CCNYL1: variants seen among roughly 807,000 people sequenced by gnomAD.
CCNYL1 encodes cyclin Y like 1, also known as cyclin-Y-like protein 1.
In CCNYL1, 16 loss-of-function variants were observed where a neutral mutation model predicts 44.2. That is an observed-to-expected ratio of 0.36 (90% CI 0.25 to 0.55). CCNYL1 has a LOEUF of 0.55. Ranked by LOEUF, CCNYL1 falls within the 20% of genes least tolerant of loss-of-function variation. CCNYL1 has a pLI of 0.85. For synonymous variants in CCNYL1, 159 were observed against 163.2 expected, an observed-to-expected ratio of 0.97 and a Z score of 0.20; for missense variants, 348 against 451.8, an observed-to-expected ratio of 0.77 and a Z score of 2.08.
intron 1 of CCNYL1, among the ~76,000 whole-genome samples, chr2:207,717,906 CTTTT>C (rs5838085): frequency 7.2e-6 from 1 of 138,932 alleles, no homozygotes. Context: ...ATTTTTAATT[CTTTT>C]TTTTTTTTTT....
intron 5 of CCNYL1, among the ~76,000 whole-genome samples, chr2:207,738,331 C>T (rs1392821501): frequency 6.6e-6 from 1 of 152,162 alleles, no homozygotes; most frequent in Non-Finnish European, 1.5e-5. Context: ...AGCGATTCTC[C>T]TGCCTCGGGC....
chr2:207,752,322 A>G (rs957498282), intron 9 of CCNYL1, among the ~76,000 whole-genome samples: 7 of 152,020 alleles, frequency 4.6e-5, no homozygotes, highest in Middle Eastern at 3.4e-3. Context: ...CAGGTGGATC[A>G]CTTGAGATCA....
intron 4 of CCNYL1, among the ~76,000 whole-genome samples, chr2:207,735,575 C>G (rs1337821781): frequency 6.6e-6 from 1 of 152,114 alleles, no homozygotes; most frequent in Non-Finnish European, 1.5e-5. Flanking sequence ...ACTTTAAAAA[C>G]AACCCTCAGG....
At chr2:207,734,192 A>G (rs1216607689) in intron 4 of CCNYL1, 145 bp downstream of exon 4, 6 of 539,550 alleles carry the variant, frequency 1.1e-5, no homozygotes, top group Non-Finnish European at 2.0e-5. Flanking sequence ...ATTGATTTCA[A>G]GGATCTAAAT....
intron 4 of CCNYL1, among the ~76,000 whole-genome samples, chr2:207,734,541 G>A (rs1183593998): frequency 6.6e-6 from 1 of 152,102 alleles, no homozygotes; most frequent in East Asian, 1.9e-4. Context: ...TGCACTTTCA[G>A]AACACCCTAA....
intron 5 of CCNYL1, among the ~76,000 whole-genome samples, chr2:207,738,722 T>C (rs1012928467): frequency 1.3e-5 from 2 of 152,124 alleles, no homozygotes; most frequent in Non-Finnish European, 2.9e-5. Context: ...TTCTTTCTTT[T>C]TTTTTTCTTT....
chr2:207,744,598 G>A (rs1463907015), intron 7 of CCNYL1, among the ~76,000 whole-genome samples: 1 of 150,556 alleles, frequency 6.6e-6, no homozygotes, highest in Non-Finnish European at 1.5e-5. Context: ...TTGAACTCCC[G>A]ACCTCAGGTG....
intron 3 of CCNYL1, among the ~76,000 whole-genome samples, chr2:207,730,987 A>G (rs961730322): frequency 6.6e-6 from 1 of 152,180 alleles, no homozygotes; most frequent in African/African-American, 2.4e-5. Flanking sequence ...TAAATTCAAC[A>G]TAATGATACT....
In CCNYL1 at chr2:207,716,881, G is replaced by C. The variant is rs191894518; in HGVS notation, c.220+4765G>C. Among the ~76,000 whole-genome samples the C allele has an allele frequency of 4.4e-3, 675 of 152,186 alleles. 5 individuals are homozygous for C. Among genetic ancestry groups the C allele is most frequent in the African/African-American group, 0.015 (619 of 41,514 alleles). Reference sequence around the variant, plus strand: ...TCCCAGCACTTTGGGAGGCCGAGGCGGGTGGATCACGAGGTCAGGAGATCG... The same window carrying C: ...TCCCAGCACTTTGGGAGGCCGAGGCCGGTGGATCACGAGGTCAGGAGATCG... On this transcript the variant is annotated intron_variant, in intron 1 of 9. Coordinates refer to ENST00000295414, the MANE Select transcript of CCNYL1 (RefSeq NM_001330218.2).
intron 8 of CCNYL1, among the ~76,000 whole-genome samples, chr2:207,749,446 A>T (rs1478670835): frequency 1.3e-5 from 2 of 152,164 alleles, no homozygotes; most frequent in Non-Finnish European, 2.9e-5. Context: ...TGCTATTCAG[A>T]CGGTTTGCTG....
intron 4 of CCNYL1, among the ~76,000 whole-genome samples, chr2:207,734,914 C>G (rs979915670): frequency 1.3e-5 from 2 of 152,154 alleles, no homozygotes; most frequent in Non-Finnish European, 1.5e-5. Flanking sequence ...GACTCTGACT[C>G]TGTCTAAAGT....
chr2:207,727,925 G>A (rs2091692683), intron 3 of CCNYL1, among the ~76,000 whole-genome samples: 1 of 151,526 alleles, frequency 6.6e-6, no homozygotes, highest in African/African-American at 2.4e-5. Context: ...TAGAGATCTA[G>A]CCTGTCTGAA....
chr2:207,732,895 T>TA (rs1477654444), intron 3 of CCNYL1, among the ~76,000 whole-genome samples: 1 of 152,230 alleles, frequency 6.6e-6, no homozygotes, highest in Non-Finnish European at 1.5e-5. Flanking sequence ...CTGATTTAAA[T>TA]AATTTGTCAA....
At chr2:207,728,838 C>G in intron 3 of CCNYL1, among the ~76,000 whole-genome samples, 1 of 151,886 alleles carries the variant, frequency 6.6e-6, no homozygotes, top group East Asian at 1.9e-4. Context: ...TGCTCTGTTG[C>G]CAGGCTTGAG....
chr2:207,751,259 C>T lies in CCNYL1; in HGVS notation c.969+140C>T, dbSNP rs1162552710. 10 of 667,032 alleles carry T rather than the reference C, an allele frequency of 1.5e-5. No homozygotes were observed. In the East Asian group the frequency reaches 1.6e-4, roughly 11 times the overall value. 41.3% of individuals were successfully genotyped at this position (667,032 alleles called of 1,614,324 possible). On this transcript the variant is annotated intron_variant, in intron 9 of 9. Coordinates refer to ENST00000295414, the MANE Select transcript of CCNYL1 (RefSeq NM_001330218.2). ...ACTGAAGAGCTTATTAGCCCTTTGG[C>T]GTCAGATTTCCTGTGTCTTGTATGG... is the stretch of plus-strand genomic sequence containing the variant.
intron 5 of CCNYL1, among the ~76,000 whole-genome samples, chr2:207,738,679 A>G (rs1328437110): frequency 1.3e-5 from 2 of 151,718 alleles, no homozygotes; most frequent in Admixed American, 1.3e-4. Context: ...AATATTATGC[A>G]TTGGTTATAT....
intron 1 of CCNYL1, among the ~76,000 whole-genome samples, chr2:207,715,489 C>T (rs2091586933): frequency 6.9e-6 from 1 of 144,350 alleles, no homozygotes; most frequent in African/African-American, 2.6e-5. Context: ...AAGTGATTCT[C>T]CTGCCTCAGC....
chr2:207,730,375 G>C (rs930048303), intron 3 of CCNYL1, among the ~76,000 whole-genome samples: 2 of 152,134 alleles, frequency 1.3e-5, no homozygotes, highest in East Asian at 1.9e-4. Context: ...ACTTGATCCT[G>C]TTCCAGTCAC....
intron 1 of CCNYL1, among the ~76,000 whole-genome samples, chr2:207,719,405 G>A (rs1373837969): frequency 6.7e-6 from 1 of 150,260 alleles, no homozygotes; most frequent in African/African-American, 2.4e-5. Context: ...GGTTCCAGCA[G>A]TTCTAATGCC....
Sources: gnomAD v4.1 joint callset for allele counts (sites outside exome capture counted in the v4.1 genomes callset) on GRCh38, gnomAD v4.1.1 for gene constraint, MANE v1.5 for transcripts, NCBI Gene and HGNC (gene_info 2026-07-23, HGNC 2026-07-21) for gene names.